Variants in NEK1 observed in about 807,000 individuals in gnomAD.
The protein encoded by NEK1 is serine/threonine-protein kinase Nek1.
NEK1 carries 137 observed loss-of-function variants against 182.1 expected under a neutral mutation model. The ratio of observed to expected loss-of-function variants is 0.75; its 90% CI spans 0.65 to 0.87. NEK1 has a LOEUF of 0.87. Among genes scored for constraint, NEK1 ranks in the 40% least tolerant of loss-of-function variants. NEK1 has a pLI of 0.00. For synonymous variants in NEK1, 513 were observed against 492.2 expected, an observed-to-expected ratio of 1.04 and a Z score of -0.56; for missense variants, 1,391 against 1,494.4, an observed-to-expected ratio of 0.93 and a Z score of 1.14.
chr4:169,546,925 T>C (rs763625692), intron 18 of NEK1, among the ~76,000 whole-genome samples: 3 of 152,238 alleles, frequency 2.0e-5, no homozygotes, highest in Non-Finnish European at 4.4e-5. Flanking sequence ...TGACTCTTTA[T>C]CCAATTTGCC....
chr4:169,565,482 C>T (rs1296862565), intron 12 of NEK1, among the ~76,000 whole-genome samples: 2 of 152,114 alleles, frequency 1.3e-5, no homozygotes, highest in African/African-American at 4.8e-5. Flanking sequence ...GATAATGCTC[C>T]TCATAGTATC....
At chr4:169,522,507 C>T (rs888975241) in intron 19 of NEK1, among the ~76,000 whole-genome samples, 1 of 152,190 alleles carries the variant, frequency 6.6e-6, no homozygotes, top group East Asian at 1.9e-4. Flanking sequence ...GTTTAGCAAT[C>T]GGCTTCTAGC....
chr4:169,429,559 A>C (rs1235216751), intron 29 of NEK1, among the ~76,000 whole-genome samples: 2 of 151,584 alleles, frequency 1.3e-5, no homozygotes, highest in African/African-American at 4.9e-5. Context: ...ATGGAAAAAC[A>C]ATCAGTGGAA....
chr4:169,489,111 T>C (rs1749584646), intron 23 of NEK1, among the ~76,000 whole-genome samples: 2 of 152,228 alleles, frequency 1.3e-5, no homozygotes, highest in Non-Finnish European at 2.9e-5. Context: ...AGATGTTTCC[T>C]GAACATTTCC....
Position 169,507,129 on chromosome 4 carries a change from G to C in NEK1, c.1915C>G (p.His639Asp), listed in dbSNP as rs1321033157. 1.3e-6 allele frequency: 2 copies of C among 1,585,844 alleles called. No individual in the cohort carries two copies. Among genetic ancestry groups the C allele is most frequent in the Non-Finnish European group, 1.7e-6 (2 of 1,167,294 alleles). ...AGTACAGCAGCACGTGCATTTGCAT[G>C]GGCCTAAAAATAAAAACAATTAACA... Reference protein sequence around the residue: ...RRKKIESLKAHANARAAVLKE... With the variant: ...RRKKIESLKADANARAAVLKE... The change falls in exon 23 of 36, where the codon CAT (histidine) becomes GAT (aspartate). Residue 639 changes from histidine (H) to aspartate (D), a missense_variant. Around this residue, in one of 5 missense-constraint regions of NEK1, gnomAD observed 1,216 missense variants for 1,277.6 expected, o/e 0.95. Transcript: ENST00000507142.
At chr4:169,494,447 A>G (rs958905918) in intron 23 of NEK1, among the ~76,000 whole-genome samples, 1 of 152,226 alleles carries the variant, frequency 6.6e-6, no homozygotes, top group Non-Finnish European at 1.5e-5. Context: ...TGATGGCTGC[A>G]TAGTATTCCA....
At chr4:169,494,204 T>A (rs1231847388) in intron 23 of NEK1, among the ~76,000 whole-genome samples, 1 of 152,090 alleles carries the variant, frequency 6.6e-6, no homozygotes, top group Non-Finnish European at 1.5e-5. Flanking sequence ...ACCCATTAAC[T>A]CGTCATTTAC....
chr4:169,502,010 AT>A (rs952521998), intron 23 of NEK1, among the ~76,000 whole-genome samples: 11 of 152,050 alleles, frequency 7.2e-5, no homozygotes, highest in African/African-American at 2.7e-4. Context: ...AGATTAACAC[AT>A]GAAAAAAAGA....
intron 31 of NEK1, among the ~76,000 whole-genome samples, chr4:169,416,357 C>G (rs1019935655): frequency 6.6e-6 from 1 of 152,200 alleles, no homozygotes; most frequent in African/African-American, 2.4e-5. Context: ...TAATGCATTA[C>G]AAGTGTTTTC....
intron 16 of NEK1, 21 bp downstream of exon 16, chr4:169,561,459 A>G (rs1762890794): frequency 6.2e-7 from 1 of 1,604,498 alleles, no homozygotes; most frequent in African/African-American, 1.3e-5. Context: ...TAGTATAACC[A>G]TATTGGTATA....
intron 19 of NEK1, among the ~76,000 whole-genome samples, chr4:169,512,153 C>G (rs190879539): frequency 6.6e-6 from 1 of 152,094 alleles, no homozygotes; most frequent in African/African-American, 2.4e-5. Flanking sequence ...ATCGCTGGTT[C>G]TTGGTATGAA....
At position 169,394,329 on chromosome 4, in the gene NEK1, AATATT is replaced by A; in HGVS notation, c.*176_*180del. On this transcript the variant is annotated 3_prime_UTR_variant, in exon 36 of 36. Coordinates refer to ENST00000507142, the MANE Select transcript of NEK1 (RefSeq NM_001199397.3). ...GGAATTCAATGAACAAAATAGATAA[AATATT>A]AGAATCTTCACTGAAAAATGGCATG... 2.0e-6 allele frequency: 1 copy of A among 488,988 alleles called. No individual in the cohort carries two copies. The allele number at this position is 488,988 out of a possible 1,614,324, so 30.3% of individuals were successfully genotyped here.
intron 19 of NEK1, among the ~76,000 whole-genome samples, chr4:169,535,713 T>C (rs1337464238): frequency 6.6e-6 from 1 of 151,204 alleles, no homozygotes; most frequent in Non-Finnish European, 1.5e-5. Context: ...GCCCTGTCTC[T>C]ACTAAAAATA....
chr4:169,395,076 T>C (rs1334733712), intron 35 of NEK1, among the ~76,000 whole-genome samples: 2 of 152,224 alleles, frequency 1.3e-5, no homozygotes, highest in African/African-American at 2.4e-5. Flanking sequence ...TAACTAACCA[T>C]TACTATTTAT....
At chr4:169,581,906 T>C (rs1299776751) in intron 10 of NEK1, among the ~76,000 whole-genome samples, 1 of 152,214 alleles carries the variant, frequency 6.6e-6, no homozygotes, top group Non-Finnish European at 1.5e-5. Flanking sequence ...TTATTGAATA[T>C]GTAAATATTC....
At chr4:169,554,520 G>A (rs886709705) in intron 18 of NEK1, 2 of 151,324 alleles carry the variant, frequency 1.3e-5, no homozygotes, top group Admixed American at 1.3e-4. Context: ...GAAGATATAC[G>A]GAGGCACCTT....
At position 169,408,647 on chromosome 4, in the gene NEK1, C is replaced by T. The variant is rs576816030; in HGVS notation, c.3223-1900G>A. ...TCTCACCCTTCCCCCCTTGAGTCGC[C>T]GAAGTCCATTACATCACTCTTATGC... On this transcript the variant is annotated intron_variant, in intron 31 of 35. Coordinates refer to ENST00000507142, the MANE Select transcript of NEK1 (RefSeq NM_001199397.3). 1.6e-4 allele frequency among the ~76,000 whole-genome samples: 25 copies of T among 152,162 alleles called. No homozygotes were observed. In the East Asian group the frequency reaches 4.6e-3, roughly 28 times the overall value.
At chr4:169,484,485 G>A (rs564913451) in intron 23 of NEK1, among the ~76,000 whole-genome samples, 2 of 152,040 alleles carry the variant, frequency 1.3e-5, no homozygotes, top group East Asian at 3.9e-4. Flanking sequence ...TATCCAAAAT[G>A]AATTAGACAC....
rs547487676 is a variant in NEK1 at position 169,477,053 on chromosome 4, CAG to C, written c.2434+69_2434+70del. 1,008 of 999,664 alleles carry C rather than the reference CAG, an allele frequency of 1.0e-3. 7 individuals carry two copies. In the African/African-American group the frequency reaches 0.012, roughly 12 times the overall value. The allele number at this position is 999,664 out of a possible 1,614,324, so 61.9% of individuals were successfully genotyped here. ...AATTCTTCTAAGTGTTCATTTTTTT[CAG>C]AGTGGTTAGTCTATAAGTTTACATA... On this transcript the variant is annotated intron_variant, in intron 26 of 35. Transcript: ENST00000507142.
Sources: allele counts gnomAD v4.1 joint callset (sites outside exome capture counted in the v4.1 genomes callset), GRCh38; gene constraint gnomAD v4.1.1; regional missense constraint gnomAD v4.1.1; transcripts MANE v1.5; gene names NCBI Gene and HGNC (gene_info 2026-07-23, HGNC 2026-07-21).